CALN1: variants seen among roughly 807,000 people sequenced by gnomAD.
CALN1 encodes the protein calneuron 1, also known as calcium-binding protein 8.
A neutral mutation model predicts 30.6 loss-of-function variants in CALN1; 17 were observed. The observed-to-expected ratio is 0.56, with a 90% CI of 0.38 to 0.83. The LOEUF (loss-of-function observed/expected upper bound fraction) is 0.83. Ranked by LOEUF, CALN1 falls within the 40% of genes least tolerant of loss-of-function variation. The pLI is 0.00. For missense variants in CALN1, 291 were observed against 354.9 expected (o/e 0.82, Z 1.45); for synonymous variants, 156 against 131.4 (o/e 1.19, Z -1.28).
chr7:72,036,800 A>G (rs938305238), intron 4 of CALN1, among the ~76,000 whole-genome samples: 1 of 143,674 alleles, frequency 7.0e-6, no homozygotes, highest in African/African-American at 2.6e-5. Flanking sequence ...GGAACAGCTT[A>G]TTTTTTTTTC....
chr7:72,226,153 G>A (rs1793661013), intron 3 of CALN1, among the ~76,000 whole-genome samples: 1 of 151,624 alleles, frequency 6.6e-6, no homozygotes, highest in African/African-American at 2.4e-5. Flanking sequence ...GCTGAGGCAG[G>A]AGAATCGCTT....
chr7:72,407,802 G>C (rs541099330), intron 1 of CALN1, among the ~76,000 whole-genome samples: 15 of 152,286 alleles, frequency 9.8e-5, no homozygotes, highest in Non-Finnish European at 2.1e-4. Flanking sequence ...CGCTGGACTG[G>C]ACACAGGGCC....
At chr7:72,374,936 G>A (rs557026085) in intron 2 of CALN1, among the ~76,000 whole-genome samples, 34 of 152,036 alleles carry the variant, frequency 2.2e-4, no homozygotes, top group African/African-American at 5.8e-4. Flanking sequence ...ACATTCAAGC[G>A]CTTTTTACAT....
intron 2 of CALN1, among the ~76,000 whole-genome samples, chr7:72,396,258 G>GAAAGAAAGAA (rs148921743): frequency 0.48 from 50,523 of 104,916 alleles, 12,580 homozygotes; most frequent in African/African-American, 0.69. Context: ...AAAAAAAAAA[G>GAAAGAAAGAA]AAAGAAAAAG....
upstream of CALN1, among the ~76,000 whole-genome samples, chr7:72,413,168 CAT>C (rs577208853): frequency 4.6e-5 from 7 of 152,106 alleles, no homozygotes; most frequent in South Asian, 4.2e-4. Context: ...CACATACACT[CAT>C]ATGTACACAC....
intron 2 of CALN1, among the ~76,000 whole-genome samples, chr7:72,367,334 A>C (rs1315668239): frequency 6.6e-6 from 1 of 152,026 alleles, no homozygotes; most frequent in Non-Finnish European, 1.5e-5. Flanking sequence ...AAAAATAAAA[A>C]ATTAGCTGGG....
chr7:72,363,910 T>C (rs968943175), intron 2 of CALN1, among the ~76,000 whole-genome samples: 2 of 151,638 alleles, frequency 1.3e-5, no homozygotes, highest in African/African-American at 4.8e-5. Context: ...AATTTTTGTA[T>C]TTTCAGTAGA....
At chr7:71,829,036 C>T (rs1395277983) in intron 5 of CALN1, among the ~76,000 whole-genome samples, 6 of 152,024 alleles carry the variant, frequency 3.9e-5, no homozygotes, top group Non-Finnish European at 7.4e-5. Context: ...TGATCCACCG[C>T]GCCCGGCCAC....
At chr7:72,187,776 C>T (rs1790309345) in intron 3 of CALN1, among the ~76,000 whole-genome samples, 1 of 152,164 alleles carries the variant, frequency 6.6e-6, no homozygotes, top group African/African-American at 2.4e-5. Context: ...TTCCTTGGAA[C>T]AAGTCATATC....
intron 5 of CALN1, among the ~76,000 whole-genome samples, chr7:71,840,654 T>C (rs1289167772): frequency 1.3e-5 from 2 of 152,136 alleles, no homozygotes; most frequent in South Asian, 2.1e-4. Context: ...TAGGCATTGA[T>C]TGAACCGCTC....
chr7:72,324,914 T>C (rs1801164069), intron 2 of CALN1, among the ~76,000 whole-genome samples: 1 of 152,190 alleles, frequency 6.6e-6, no homozygotes, highest in Non-Finnish European at 1.5e-5. Flanking sequence ...TACTACCCTT[T>C]GAGGGTTCCA....
At chr7:72,493,287 C>T in the CALN1 span, among the ~76,000 whole-genome samples, 1 of 151,988 alleles carries the variant, frequency 6.6e-6, no homozygotes, top group Non-Finnish European at 1.5e-5. Flanking sequence ...GACTAAATGG[C>T]CTCTTTCATT....
chr7:72,123,363 T>C (rs1808522111), intron 3 of CALN1, among the ~76,000 whole-genome samples: 3 of 152,134 alleles, frequency 2.0e-5, no homozygotes, highest in Admixed American at 1.3e-4. Context: ...ATGGTGGGAG[T>C]TGGAGGAACT....
chr7:72,330,569 T>C (rs1801605780), intron 2 of CALN1, among the ~76,000 whole-genome samples: 1 of 152,156 alleles, frequency 6.6e-6, no homozygotes, highest in African/African-American at 2.4e-5. Context: ...TATTTCCATA[T>C]TTTTTATTGT....
intron 4 of CALN1, among the ~76,000 whole-genome samples, chr7:72,065,142 T>A (rs553451274): frequency 6.9e-5 from 8 of 115,712 alleles, no homozygotes; most frequent in Admixed American, 1.8e-4. Context: ...ATTTATATTT[T>A]AAAATATTAA....
At chr7:71,800,510 G>A (rs1487967702) in intron 6 of CALN1, among the ~76,000 whole-genome samples, 1 of 152,164 alleles carries the variant, frequency 6.6e-6, no homozygotes, top group African/African-American at 2.4e-5. Flanking sequence ...CCGGTTGTCA[G>A]AATGTCTAGA....
At chr7:72,244,496 G>T (rs1400645058) in intron 3 of CALN1, among the ~76,000 whole-genome samples, 1 of 151,478 alleles carries the variant, frequency 6.6e-6, no homozygotes, top group African/African-American at 2.4e-5. Context: ...AAACAGAAAA[G>T]TTCCACAATT....
At chr7:72,100,354 T>C (rs1363393459) in intron 4 of CALN1, among the ~76,000 whole-genome samples, 1 of 151,952 alleles carries the variant, frequency 6.6e-6, no homozygotes, top group Non-Finnish European at 1.5e-5. Context: ...GCTAATTTTT[T>C]CTGTTTTTGC....
chr7:72,158,543 T>C (rs1337076734), intron 3 of CALN1, among the ~76,000 whole-genome samples: 3 of 152,174 alleles, frequency 2.0e-5, no homozygotes, highest in African/African-American at 7.2e-5. Flanking sequence ...AGCTACAGTG[T>C]GGAGAAGTGA....
Sources: allele counts gnomAD v4.1 joint callset (sites outside exome capture counted in the v4.1 genomes callset), GRCh38; gene constraint gnomAD v4.1.1; transcripts MANE v1.5; gene names NCBI Gene and HGNC (gene_info 2026-07-23, HGNC 2026-07-21).